The following LCOR variants were observed in gnomAD, a reference collection of about 807,000 sequenced individuals.
LCOR encodes ligand dependent nuclear receptor corepressor.
Under a neutral mutation model 64.4 loss-of-function variants are expected in LCOR, and 14 were observed. The observed-to-expected ratio is 0.22, with a 90% CI of 0.14 to 0.34. The LOEUF is 0.34. LCOR is among the 10% of genes least tolerant of loss of function. The pLI, the probability that LCOR is intolerant of heterozygous loss-of-function variation, is 1.00. For synonymous variants in LCOR, 643 were observed against 642.5 expected, an observed-to-expected ratio of 1.00 and a Z score of -0.01; for missense variants, 1,686 against 1,765.3, an observed-to-expected ratio of 0.96 and a Z score of 0.80.
intron 7 of LCOR, among the ~76,000 whole-genome samples, chr10:96,971,466 A>G (rs1291373283): frequency 1.3e-5 from 2 of 152,182 alleles, no homozygotes; most frequent in Non-Finnish European, 2.9e-5. Flanking sequence ...CTTGACCTAG[A>G]GGAGGTTCAC....
chr10:96,845,449 C>CG (rs1845611383), intron 2 of LCOR, among the ~76,000 whole-genome samples: 1 of 48,658 alleles, frequency 2.1e-5, no homozygotes, highest in East Asian at 6.7e-4. Flanking sequence ...TGGGCTTATC[C>CG]TTTTTTTTTT....
intron 4 of LCOR, among the ~76,000 whole-genome samples, chr10:96,920,935 C>A (rs1847070257): frequency 6.6e-6 from 1 of 151,888 alleles, no homozygotes; most frequent in South Asian, 2.1e-4. Context: ...GCAGCTGAGA[C>A]CACAGGCACT....
chr10:96,915,732 C>A, intron 4 of LCOR: 1 of 666,458 alleles, frequency 1.5e-6, no homozygotes, highest in Non-Finnish European at 2.8e-6. Context: ...TCAGCTTTTT[C>A]CTTTTTCCCT....
intron 7 of LCOR, chr10:96,963,279 T>C (rs556548305): frequency 6.6e-6 from 1 of 152,066 alleles, no homozygotes; most frequent in African/African-American, 2.4e-5. Context: ...ACATGCACAG[T>C]TAAACTATAT....
In LCOR at chr10:96,876,708, A is replaced by T. The variant is rs544187206; in HGVS notation, c.-329-30557A>T. Among the ~76,000 whole-genome samples the T allele has an allele frequency of 2.6e-5, 4 of 152,072 alleles. No homozygotes were observed. The South Asian group carries it at 6.2e-4, about 24-fold the overall frequency. ...CTCATAGGCTTTTTTTTTCCTTTTG[A>T]GACGGAGTTTCGCTCTTGTTGCCCA... On this transcript the variant is annotated intron_variant, in intron 2 of 7. Transcript: ENST00000421806.
At chr10:96,860,747 T>C (rs927359257) in intron 2 of LCOR, among the ~76,000 whole-genome samples, 4 of 152,266 alleles carry the variant, frequency 2.6e-5, no homozygotes, top group African/African-American at 9.6e-5. Context: ...GTTATATTTA[T>C]GGAACTTTAC....
At chr10:96,868,672 TC>T (rs1564609222) in intron 2 of LCOR, among the ~76,000 whole-genome samples, 1 of 152,222 alleles carries the variant, frequency 6.6e-6, no homozygotes, top group African/African-American at 2.4e-5. Context: ...GTCTAACCTT[TC>T]GTATCAGATC....
chr10:96,937,126 T>G (rs2134499187), intron 4 of LCOR, among the ~76,000 whole-genome samples: 1 of 152,230 alleles, frequency 6.6e-6, no homozygotes, highest in Non-Finnish European at 1.5e-5. Context: ...ACTGGTTGCC[T>G]TATAAGGAGA....
At chr10:96,838,948 A>G (rs1041285754) in intron 2 of LCOR, among the ~76,000 whole-genome samples, 5 of 152,208 alleles carry the variant, frequency 3.3e-5, no homozygotes, top group Non-Finnish European at 5.9e-5. Context: ...TCAGTACTGT[A>G]TGACAGTTCC....
intron 4 of LCOR, among the ~76,000 whole-genome samples, chr10:96,930,516 A>G (rs1359635057): frequency 6.6e-6 from 1 of 152,170 alleles, no homozygotes; most frequent in Admixed American, 6.5e-5. Context: ...AGTTTATCTC[A>G]CCTGTATTAG....
chr10:96,907,769 C>T (rs950275784), intron 4 of LCOR, 22 bp downstream of exon 4: 3 of 827,152 alleles, frequency 3.6e-6, no homozygotes, highest in East Asian at 1.2e-4. Flanking sequence ...GCCTGTGAAA[C>T]TTTTATTTAG....
chr10:96,839,851 A>C (rs997563441), intron 2 of LCOR, among the ~76,000 whole-genome samples: 3 of 151,952 alleles, frequency 2.0e-5, no homozygotes, highest in African/African-American at 7.2e-5. Flanking sequence ...ATACCCAGCT[A>C]ATTTTTTTGT....
intron 2 of LCOR, among the ~76,000 whole-genome samples, chr10:96,839,561 AG>A (rs1180324999): frequency 6.6e-6 from 1 of 152,102 alleles, no homozygotes; most frequent in Non-Finnish European, 1.5e-5. Context: ...TCCATTTCTG[AG>A]TTTAGTGAGA....
chr10:96,873,565 CACACACGT>C (rs1422965145), intron 2 of LCOR, among the ~76,000 whole-genome samples: 6 of 122,876 alleles, frequency 4.9e-5, no homozygotes, highest in Admixed American at 1.8e-4. Flanking sequence ...GATACACACA[CACACACGT>C]GTGTGTGTGT....
In LCOR at chr10:96,986,144, AT is replaced by A. The variant is rs1358328425; in HGVS notation, c.*1011del. On this transcript the variant is annotated 3_prime_UTR_variant, in exon 8 of 8. Transcript: ENST00000421806. ...TCCATGTGTGTTTGGGTGCATTTGC[AT>A]GTGGTTATCAGCCACAAATGTCTCC... 3 of 167,110 alleles carry A rather than the reference AT, an allele frequency of 1.8e-5. No homozygotes were observed. The highest frequency in any genetic ancestry group is 7.2e-5 in the African/African-American group (3 of 41,458). 10.4% of individuals were successfully genotyped at this position (167,110 alleles called of 1,614,324 possible).
In LCOR at chr10:96,973,702, T is replaced by C. The variant is rs557780694; in HGVS notation, c.333-7091T>C. Among the ~76,000 whole-genome samples, 8 of 152,354 alleles carry C rather than the reference T, an allele frequency of 5.3e-5. No homozygotes were observed. The South Asian group carries it at 1.7e-3, about 32-fold the overall frequency. On this transcript the variant is annotated intron_variant, in intron 7 of 7. Transcript: ENST00000421806. ...CTCTCTAAAGCTTGCTTTCCCCTTC[T>C]GTTTTCCTGGGACTCCCTGTTTCTG...
chr10:96,832,490 C>T lies in LCOR; in HGVS notation c.-404+91C>T, dbSNP rs1210747898. ...GAGGAAGCTGGGGAAGTGGCAATTG[C>T]TGCTCCGGCCCGCCCGCCCTCTTTG... is the stretch of plus-strand genomic sequence containing the variant. On this transcript the variant is annotated intron_variant, in intron 1 of 7. Coordinates refer to ENST00000421806, the MANE Select transcript of LCOR (RefSeq NM_001346516.2). 7 of 334,262 alleles carry T rather than the reference C, an allele frequency of 2.1e-5. No individual in the cohort carries two copies. In the East Asian group the frequency reaches 1.2e-3, roughly 57 times the overall value. The allele number at this position is 334,262 out of a possible 1,614,324, so 20.7% of individuals were successfully genotyped here.
intron 2 of LCOR, among the ~76,000 whole-genome samples, chr10:96,877,368 T>C (rs1394296250): frequency 1.3e-5 from 2 of 151,820 alleles, no homozygotes; most frequent in African/African-American, 4.8e-5. Flanking sequence ...CTACAAAACA[T>C]TCAAAAATTA....
intron 2 of LCOR, among the ~76,000 whole-genome samples, chr10:96,877,411 G>A (rs1294076866): frequency 6.6e-6 from 1 of 151,940 alleles, no homozygotes; most frequent in East Asian, 1.9e-4. Context: ...TGTAGTCCCA[G>A]TACTTGGGAG....
Sources: allele counts gnomAD v4.1 joint callset (sites outside exome capture counted in the v4.1 genomes callset), GRCh38; gene constraint gnomAD v4.1.1; transcripts MANE v1.5; gene names NCBI Gene and HGNC (gene_info 2026-07-23, HGNC 2026-07-21).